Variants in GABRR2 observed in about 807,000 individuals in gnomAD.
GABRR2 encodes gamma-aminobutyric acid receptor subunit rho-2.
A neutral mutation model predicts 47.0 loss-of-function variants in GABRR2; 36 were observed. The observed-to-expected ratio is 0.77, with a 90% CI of 0.59 to 1.01. The LOEUF is 1.01. Ranked by LOEUF, GABRR2 falls within the 50% of genes least tolerant of loss-of-function variation. GABRR2 has a pLI of 0.00. For missense variants in GABRR2, 587 were observed against 594.6 expected (o/e 0.99, Z 0.13); for synonymous variants, 204 against 227.5 (o/e 0.90, Z 0.93).
At chr6:89,263,553 T>A (rs965168567) in intron 8 of GABRR2, among the ~76,000 whole-genome samples, 5 of 152,220 alleles carry the variant, frequency 3.3e-5, no homozygotes, top group Non-Finnish European at 7.3e-5. Context: ...AATGGGGTCT[T>A]GCTCTGTCGC....
At chr6:89,262,356 A>T (rs2127826210) in intron 8 of GABRR2, among the ~76,000 whole-genome samples, 1 of 152,300 alleles carries the variant, frequency 6.6e-6, no homozygotes, top group East Asian at 1.9e-4. Flanking sequence ...CTTCATAAAT[A>T]TTCATAAATC....
intron 4 of GABRR2, among the ~76,000 whole-genome samples, chr6:89,268,655 A>AC (rs1773967630): frequency 2.2e-5 from 1 of 46,092 alleles, no homozygotes; most frequent in Admixed American, 1.7e-4. Context: ...TTTTTGGGGG[A>AC]CGGGGGGGGG....
chr6:89,302,891 G>A (rs961903966), intron 1 of GABRR2: 141 of 1,207,834 alleles, frequency 1.2e-4, no homozygotes, highest in Non-Finnish European at 1.5e-4. Context: ...GCATCCAGGA[G>A]CTGTTCAAGC....
rs1773882463 is a variant in GABRR2, at chr6:89,265,821, G to C, written c.737-56C>G. The C allele has an allele frequency of 3.2e-6, 5 of 1,565,288 alleles. No homozygotes were observed. The South Asian group carries it at 4.6e-5, about 15-fold the overall frequency. ...TCCATCTGAGAGGTGAAAGCAAACT[G>C]TGTCCCTGGGAACCCGTCTTTCACT... On this transcript the variant is annotated intron_variant, in intron 6 of 8. Coordinates refer to ENST00000402938, the MANE Select transcript of GABRR2 (RefSeq NM_002043.5).
intron 8 of GABRR2, among the ~76,000 whole-genome samples, chr6:89,258,857 C>A (rs1773672204): frequency 6.8e-6 from 1 of 147,790 alleles, no homozygotes; most frequent in Admixed American, 6.7e-5. Flanking sequence ...CCAACAGATA[C>A]ATGCTTATAT....
In GABRR2 at chr6:89,315,115, G is replaced by A. The variant is rs765053855; in HGVS notation, c.51C>T (p.Leu17=). ...TCCTCTTGGGTTTTCTGCTCTCCAC[G>A]AGAACCATCAAGCAAAACAAGAACA... ...LILFLFCLMV[L]VESRKPKRKR... is the part of the protein sequence containing the mutation. The change falls in exon 1 of 9, where the codon CTC becomes CTT. Residue 17 remains leucine, a synonymous_variant. Coordinates refer to ENST00000402938, the MANE Select transcript of GABRR2 (RefSeq NM_002043.5). 21 of 1,613,658 alleles carry A rather than the reference G, an allele frequency of 1.3e-5. No individual in the cohort carries two copies. The highest frequency in any genetic ancestry group is 1.5e-5 in the Non-Finnish European group (18 of 1,179,858).
intron 2 of GABRR2, among the ~76,000 whole-genome samples, chr6:89,293,821 G>A (rs1246676761): frequency 1.3e-5 from 2 of 152,156 alleles, no homozygotes; most frequent in Non-Finnish European, 2.9e-5. Context: ...AATCAGCATT[G>A]CAGCATTTCT....
rs770771767 is a variant in GABRR2 at position 89,257,462 on chromosome 6, C to T, written c.*208G>A. The T allele has an allele frequency of 4.5e-4, 261 of 579,590 alleles. No individual in the cohort carries two copies. The highest frequency in any genetic ancestry group is 6.2e-4 in the Non-Finnish European group (204 of 326,886). 35.9% of individuals were successfully genotyped at this position (579,590 alleles called of 1,614,324 possible). On this transcript the variant is annotated 3_prime_UTR_variant, in exon 9 of 9. Transcript: ENST00000402938. Reference sequence around the variant, plus strand: ...GAGAGATGTGAAGTGTGACGCGAGACAGCATGAACATGGAGCAGCCCCACG... The same window carrying T: ...GAGAGATGTGAAGTGTGACGCGAGATAGCATGAACATGGAGCAGCCCCACG...
In GABRR2 at chr6:89,299,825, T is replaced by C. The variant is rs1562385977; in HGVS notation, c.154A>G (p.Lys52Glu). Residue 52 changes from lysine to glutamate, a missense_variant, in exon 2 of 9, where the codon AAG becomes GAG. Coordinates refer to ENST00000402938, the MANE Select transcript of GABRR2 (RefSeq NM_002043.5). ...KKNLDVTKIR[K>E]GKPQQLLRVD... ...CTGAGAAGCTGCTGAGGCTTTCCCT[T>C]CCGGATCTTGGTCACATCAAGGTTC... 1 of 1,613,924 alleles carries C rather than the reference T, an allele frequency of 6.2e-7. No homozygotes were observed. The highest frequency in any genetic ancestry group is 2.2e-5 in the East Asian group (1 of 44,882).
chr6:89,272,865 A>G (rs1464915764), intron 2 of GABRR2, among the ~76,000 whole-genome samples: 3 of 152,212 alleles, frequency 2.0e-5, no homozygotes, highest in Admixed American at 2.0e-4. Flanking sequence ...CTGCGTACGT[A>G]GGAACTAGAA....
chr6:89,298,837 G>C lies in GABRR2; in HGVS notation c.220+922C>G, dbSNP rs78098276. Among the ~76,000 whole-genome samples the C allele has an allele frequency of 6.1e-3, 931 of 152,278 alleles. 11 individuals carry two copies. The highest frequency in any genetic ancestry group is 0.021 in the African/African-American group (876 of 41,544). ...GGCCTTTGGAAGGTGATGAGATCCTGAGGGTGGAGCCCTCACCAGTGGGAT... is the reference window on the plus strand; with the variant it reads ...GGCCTTTGGAAGGTGATGAGATCCTCAGGGTGGAGCCCTCACCAGTGGGAT... On this transcript the variant is annotated intron_variant, in intron 2 of 8. Coordinates refer to ENST00000402938, the MANE Select transcript of GABRR2 (RefSeq NM_002043.5).
At position 89,255,258 on chromosome 6, in the gene GABRR2, G is replaced by C. The variant is rs1773579351; in HGVS notation, c.*2412C>G. On this transcript the variant is annotated 3_prime_UTR_variant, in exon 9 of 9. Coordinates refer to ENST00000402938, the MANE Select transcript of GABRR2 (RefSeq NM_002043.5). ...TCAAGACCAGGCTGACTAACATGGAGAAACCCCATCTCTACTAAAAAATAC... is the reference window on the plus strand; with the variant it reads ...TCAAGACCAGGCTGACTAACATGGACAAACCCCATCTCTACTAAAAAATAC... Among the ~76,000 whole-genome samples, 1 of 152,052 alleles carries C rather than the reference G, an allele frequency of 6.6e-6. No homozygotes were observed. Among genetic ancestry groups the C allele is most frequent in the African/African-American group, 2.4e-5 (1 of 41,392 alleles).
At chr6:89,281,188 A>G (rs1378186025) in intron 2 of GABRR2, among the ~76,000 whole-genome samples, 1 of 152,220 alleles carries the variant, frequency 6.6e-6, no homozygotes, top group Non-Finnish European at 1.5e-5. Context: ...GCAGACTGCA[A>G]TTCGCAATAT....
At chr6:89,313,856 G>A (rs1767717322) in intron 1 of GABRR2, among the ~76,000 whole-genome samples, 1 of 152,172 alleles carries the variant, frequency 6.6e-6, no homozygotes. Flanking sequence ...GGTGGAGGTT[G>A]CAGTGAGCCA....
At chr6:89,277,657 A>AG (rs1774187029) in intron 2 of GABRR2, among the ~76,000 whole-genome samples, 1 of 151,996 alleles carries the variant, frequency 6.6e-6, no homozygotes, top group African/African-American at 2.4e-5. Flanking sequence ...TAAAAAAAAA[A>AG]GAAAAGAAAA....
intron 1 of GABRR2, among the ~76,000 whole-genome samples, chr6:89,304,734 A>G (rs1301292461): frequency 2.6e-5 from 4 of 152,244 alleles, no homozygotes; most frequent in Non-Finnish European, 5.9e-5. Context: ...CAAAACCACA[A>G]TGAGATACCG....
At chr6:89,264,344 T>C (rs723041) in intron 8 of GABRR2, 68 bp downstream of exon 8, 1,292,420 of 1,507,348 alleles carry the variant, frequency 0.86, 555,347 homozygotes, top group Non-Finnish European at 0.87. Flanking sequence ...CTCTGCCCCC[T>C]GGCCCAGAAG....
At chr6:89,258,040 G>T in intron 8 of GABRR2, 59 bp from the exon 9 acceptor site, 2 of 1,502,712 alleles carry the variant, frequency 1.3e-6, no homozygotes, top group Non-Finnish European at 1.8e-6. Flanking sequence ...AGAGGAGGGG[G>T]CCTGGCCCAA....
At chr6:89,271,835 G>A (rs1309348272) in intron 2 of GABRR2, 113 bp from the exon 3 acceptor site, 18 of 779,814 alleles carry the variant, frequency 2.3e-5, no homozygotes, top group Non-Finnish European at 2.8e-5. Context: ...GTAGGGCAGA[G>A]GTTTAGAATT....
Sources: gnomAD v4.1 joint callset for allele counts (sites outside exome capture counted in the v4.1 genomes callset) on GRCh38, gnomAD v4.1.1 for gene constraint, MANE v1.5 for transcripts, NCBI Gene and HGNC (gene_info 2026-07-23, HGNC 2026-07-21) for gene names.